Variants in HS3ST5 observed in about 807,000 individuals in gnomAD.
HS3ST5 encodes heparan sulfate glucosamine 3-O-sulfotransferase 5.
Under a neutral mutation model 25.4 loss-of-function variants are expected in HS3ST5, and 10 were observed. That is an observed-to-expected ratio of 0.39 (90% confidence interval 0.24 to 0.67). The LOEUF is 0.67. Among genes scored for constraint, HS3ST5 ranks in the 30% least tolerant of loss-of-function variants. The pLI is 0.44. For missense variants in HS3ST5, 324 were observed against 420.7 expected (o/e 0.77, Z 2.01); for synonymous variants, 170 against 162.4 (o/e 1.05, Z -0.36).
chr6:114,059,449 A>G (rs554624194), intron 4 of HS3ST5: 28 of 152,248 alleles, frequency 1.8e-4, no homozygotes, highest in African/African-American at 6.3e-4. Flanking sequence ...CTGAGATGAG[A>G]AACAACCTCA....
At chr6:114,169,966 C>T (rs1009195344) in intron 2 of HS3ST5, among the ~76,000 whole-genome samples, 3 of 152,068 alleles carry the variant, frequency 2.0e-5, no homozygotes, top group Non-Finnish European at 4.4e-5. Context: ...TGTACTAATT[C>T]TAGAATACAG....
At chr6:114,247,685 A>G (rs1283021038) in intron 1 of HS3ST5, among the ~76,000 whole-genome samples, 1 of 151,912 alleles carries the variant, frequency 6.6e-6, no homozygotes, top group East Asian at 1.9e-4. Flanking sequence ...TTTTCTAGTC[A>G]TCATTCAGCT....
intron 3 of HS3ST5, among the ~76,000 whole-genome samples, chr6:114,087,058 C>T (rs147762791): frequency 1.3e-5 from 2 of 152,260 alleles, no homozygotes; most frequent in African/African-American, 4.8e-5. Flanking sequence ...CAGTGCTCAC[C>T]TGTGGGCTCT....
Position 114,201,408 on chromosome 6 carries a change from G to A in HS3ST5, c.-145+27177C>T, listed in dbSNP as rs562653463. 2.0e-4 allele frequency among the ~76,000 whole-genome samples: 31 copies of A among 152,170 alleles called. No individual in the cohort carries two copies. In the South Asian group the frequency reaches 3.9e-3, roughly 19 times the overall value. The stretch of plus-strand genomic sequence containing the variant: ...TCTCCTACTTGTTATTCCAATAGTC[G>A]TTTACTAGTCTCCCTGCTTTTACCA... On this transcript the variant is annotated intron_variant, in intron 2 of 4. Coordinates refer to ENST00000312719, the MANE Select transcript of HS3ST5 (RefSeq NM_153612.4).
intron 2 of HS3ST5, among the ~76,000 whole-genome samples, chr6:114,192,706 A>T (rs943037274): frequency 6.6e-6 from 1 of 152,342 alleles, no homozygotes; most frequent in South Asian, 2.1e-4. Context: ...AGAGCCACAG[A>T]TTATTCAGCT....
intron 1 of HS3ST5, among the ~76,000 whole-genome samples, chr6:114,275,206 T>C (rs1004394500): frequency 6.6e-6 from 1 of 152,048 alleles, no homozygotes; most frequent in African/African-American, 2.4e-5. Flanking sequence ...AGTCTGAGAA[T>C]GTGTCAGAGT....
At chr6:114,337,960 C>T (rs1251129001) in intron 1 of HS3ST5, among the ~76,000 whole-genome samples, 1 of 151,990 alleles carries the variant, frequency 6.6e-6, no homozygotes, top group Non-Finnish European at 1.5e-5. Flanking sequence ...AGCAGCTGTA[C>T]CTACTTATTT....
At chr6:114,198,265 G>A (rs946979327) in intron 2 of HS3ST5, among the ~76,000 whole-genome samples, 32 of 151,960 alleles carry the variant, frequency 2.1e-4, no homozygotes, top group Non-Finnish European at 4.4e-4. Flanking sequence ...AAAAATGAAC[G>A]AAGCCTTTGA....
intron 3 of HS3ST5, among the ~76,000 whole-genome samples, chr6:114,082,035 C>T (rs1391783480): frequency 6.6e-6 from 1 of 152,206 alleles, no homozygotes; most frequent in Non-Finnish European, 1.5e-5. Flanking sequence ...TCCCTCCCAG[C>T]CCTTGGCAAC....
chr6:114,229,637 G>T (rs1771479728), intron 1 of HS3ST5, among the ~76,000 whole-genome samples: 1 of 152,212 alleles, frequency 6.6e-6, no homozygotes, highest in South Asian at 2.1e-4. Context: ...ACTGCTAAGA[G>T]TGGTCATGTG....
chr6:114,084,727 GA>G, intron 3 of HS3ST5: 1 of 1,060,856 alleles, frequency 9.4e-7, no homozygotes, highest in Non-Finnish European at 1.4e-6. Flanking sequence ...TTTGGTTAGT[GA>G]AGGTTCCAGG....
chr6:114,118,634 C>A (rs963757120), intron 3 of HS3ST5, among the ~76,000 whole-genome samples: 4 of 152,160 alleles, frequency 2.6e-5, no homozygotes, highest in African/African-American at 9.7e-5. Context: ...ACAGGTGGGA[C>A]AGGCCTCATG....
intron 3 of HS3ST5, among the ~76,000 whole-genome samples, chr6:114,138,864 G>C (rs967947680): frequency 5.3e-5 from 8 of 152,130 alleles, no homozygotes; most frequent in Admixed American, 5.2e-4. Flanking sequence ...TCAGTGTCTG[G>C]TGAGCGCTTG....
At chr6:114,318,601 T>C (rs1438925136) in intron 1 of HS3ST5, among the ~76,000 whole-genome samples, 1 of 152,174 alleles carries the variant, frequency 6.6e-6, no homozygotes, top group Non-Finnish European at 1.5e-5. Context: ...TCTAGCTCTT[T>C]ATAATTAACT....
intron 2 of HS3ST5, among the ~76,000 whole-genome samples, chr6:114,191,115 T>C (rs1780480485): frequency 6.6e-6 from 1 of 152,128 alleles, no homozygotes; most frequent in Admixed American, 6.6e-5. Context: ...ATAGAAAATA[T>C]GGGACAAAGA....
intron 1 of HS3ST5, among the ~76,000 whole-genome samples, chr6:114,324,236 A>G (rs2114891506): frequency 6.6e-6 from 1 of 152,318 alleles, no homozygotes; most frequent in East Asian, 1.9e-4. Flanking sequence ...AAAAATCAGA[A>G]AGCTTCTAAA....
intron 3 of HS3ST5, among the ~76,000 whole-genome samples, chr6:114,136,985 C>T (rs1323966979): frequency 6.6e-6 from 1 of 152,066 alleles, no homozygotes; most frequent in African/African-American, 2.4e-5. Context: ...TGATATTTTG[C>T]CCTCCCAATC....
In HS3ST5 at chr6:114,083,891, C is replaced by T. The variant is rs1237983187; in HGVS notation, c.-32-21014G>A. On this transcript the variant is annotated intron_variant, in intron 3 of 4. Coordinates refer to ENST00000312719, the MANE Select transcript of HS3ST5 (RefSeq NM_153612.4). Reference sequence around the variant, plus strand: ...TTTCATGTTTTCTATATTTTCATCTCTCTGGACTGCATTCTAGTTTGTTTC... The same window carrying T: ...TTTCATGTTTTCTATATTTTCATCTTTCTGGACTGCATTCTAGTTTGTTTC... Among the ~76,000 whole-genome samples the T allele has an allele frequency of 2.0e-5, 3 of 152,126 alleles. No individual in the cohort carries two copies. The East Asian group carries it at 5.8e-4, about 29-fold the overall frequency.
chr6:114,249,567 G>A (rs1204431030), intron 1 of HS3ST5, among the ~76,000 whole-genome samples: 1 of 152,212 alleles, frequency 6.6e-6, no homozygotes, highest in Admixed American at 6.5e-5. Context: ...GCTGGTTGCA[G>A]ACAAGAGTGT....
Sources: allele counts gnomAD v4.1 joint callset (sites outside exome capture counted in the v4.1 genomes callset), GRCh38; gene constraint gnomAD v4.1.1; transcripts MANE v1.5; gene names NCBI Gene and HGNC (gene_info 2026-07-23, HGNC 2026-07-21).